The following PPFIA2 variants were observed in gnomAD, a reference collection of about 807,000 sequenced individuals.
PPFIA2 encodes the protein PPFI scaffold protein A2.
PPFIA2 carries 46 observed loss-of-function variants against 175.5 expected under a neutral mutation model. The ratio of observed to expected loss-of-function variants is 0.26; its 90% CI spans 0.21 to 0.34. PPFIA2 has a LOEUF of 0.34. PPFIA2 is among the 10% of genes least tolerant of loss of function. The pLI, the probability that PPFIA2 is intolerant of heterozygous loss-of-function variation, is 1.00. For synonymous variants in PPFIA2, 568 were observed against 511.4 expected (o/e 1.11, Z -1.49); for missense variants, 1,179 against 1,506.1 (o/e 0.78, Z 3.60).
rs1194543711 is a variant in PPFIA2 at position 81,445,686 on chromosome 12, C to T, written c.440G>A (p.Arg147Gln). 1.2e-6 allele frequency: 2 copies of T among 1,613,770 alleles called. No individual in the cohort carries two copies. Among genetic ancestry groups the T allele is most frequent in the Admixed American group, 1.7e-5 (1 of 59,982 alleles). Residue 147 changes from arginine to glutamine, a missense_variant, in exon 6 of 33, where the codon CGA (arginine) becomes CAA (glutamine). This residue lies in a region of PPFIA2 where 49 missense variants were observed against 108.9 expected (regional missense o/e 0.45). Coordinates refer to ENST00000549396, the MANE Select transcript of PPFIA2 (RefSeq NM_003625.5). The part of the protein sequence containing the change: ...LLEHLECLVS[R>Q]HERSLRMTVV... ...CGTCATTCTTAGTGATCTTTCATGT[C>T]GTGACACAAGGCACTCCAAATGCTC...
chr12:81,675,258 C>T (rs1001377061), intron 4 of PPFIA2, among the ~76,000 whole-genome samples: 6 of 151,628 alleles, frequency 4.0e-5, no homozygotes, highest in Non-Finnish European at 8.8e-5. Flanking sequence ...AGTTGTATAA[C>T]TCATGCCTAT....
chr12:81,438,360 T>G (rs1592985735), intron 7 of PPFIA2, among the ~76,000 whole-genome samples: 1 of 152,100 alleles, frequency 6.6e-6, no homozygotes, highest in East Asian at 1.9e-4. Flanking sequence ...CCCAGCTACT[T>G]GGGATGCCGA....
At chr12:81,352,149 T>G (rs1249498661) in intron 17 of PPFIA2, among the ~76,000 whole-genome samples, 1 of 152,006 alleles carries the variant, frequency 6.6e-6, no homozygotes, top group East Asian at 2.0e-4. Flanking sequence ...GTGACTGTAT[T>G]TGAAAATAGG....
intron 3 of PPFIA2, among the ~76,000 whole-genome samples, chr12:81,712,491 G>C (rs961836625): frequency 6.6e-6 from 1 of 151,208 alleles, no homozygotes; most frequent in African/African-American, 2.4e-5. Context: ...ATTAAAAGCA[G>C]TGTTGCCTAA....
chr12:81,376,079 C>G, intron 9 of PPFIA2, 137 bp from the exon 10 acceptor site: 2 of 807,024 alleles, frequency 2.5e-6, no homozygotes, highest in Non-Finnish European at 3.8e-6. Flanking sequence ...TTTCATTGAA[C>G]GAATGTGAGA....
intron 24 of PPFIA2, among the ~76,000 whole-genome samples, chr12:81,285,662 ATTC>A (rs2043151263): frequency 6.6e-6 from 1 of 152,074 alleles, no homozygotes; most frequent in African/African-American, 2.4e-5. Context: ...GCAATGCATT[ATTC>A]ACATGTTTGT....
intron 4 of PPFIA2, among the ~76,000 whole-genome samples, chr12:81,603,655 A>G (rs1350778238): frequency 6.6e-6 from 1 of 151,704 alleles, no homozygotes; most frequent in African/African-American, 2.4e-5. Flanking sequence ...AAATCTAGAA[A>G]GGAAGAAAGA....
intron 4 of PPFIA2, chr12:81,535,321 G>C: frequency 2.2e-6 from 1 of 447,596 alleles, no homozygotes; most frequent in Non-Finnish European, 4.5e-6. Context: ...AGGAAAAGAG[G>C]GTTCCGGAGT....
chr12:81,538,767 G>C (rs913312910), intron 4 of PPFIA2, among the ~76,000 whole-genome samples: 6 of 151,856 alleles, frequency 4.0e-5, no homozygotes, highest in African/African-American at 1.4e-4. Context: ...CATAGTATGA[G>C]GTGAAGTCAG....
At chr12:81,697,956 C>T (rs1274317727) in intron 3 of PPFIA2, among the ~76,000 whole-genome samples, 2 of 152,170 alleles carry the variant, frequency 1.3e-5, no homozygotes, top group Non-Finnish European at 2.9e-5. Flanking sequence ...AATACTATAG[C>T]CAATGTGATA....
chr12:81,374,616 G>T lies in PPFIA2; in HGVS notation c.1266+18C>A, dbSNP rs372885940. 2.5e-5 allele frequency: 39 copies of T among 1,587,722 alleles called. No homozygotes were observed. In the African/African-American group the frequency reaches 5.0e-4, roughly 20 times the overall value. ...TCTACAAATATATCTAGGTTGACCA[G>T]TTGTTCTAGTGCAGTACCTTGGTTA... On this transcript the variant is annotated intron_variant, in intron 11 of 32. Coordinates refer to ENST00000549396, the MANE Select transcript of PPFIA2 (RefSeq NM_003625.5).
At chr12:81,345,907 C>G (rs1241093018) in intron 18 of PPFIA2, among the ~76,000 whole-genome samples, 2 of 152,118 alleles carry the variant, frequency 1.3e-5, no homozygotes, top group Non-Finnish European at 2.9e-5. Flanking sequence ...AAAGTTTGTA[C>G]TGTATCCAAG....
At chr12:81,520,642 A>G (rs1193192728) in intron 4 of PPFIA2, among the ~76,000 whole-genome samples, 1 of 152,224 alleles carries the variant, frequency 6.6e-6, no homozygotes, top group Non-Finnish European at 1.5e-5. Context: ...AGAATAGTAC[A>G]TAACAAGACA....
intron 4 of PPFIA2, among the ~76,000 whole-genome samples, chr12:81,491,376 C>T (rs1018539089): frequency 1.3e-5 from 2 of 151,648 alleles, no homozygotes; most frequent in African/African-American, 4.8e-5. Context: ...TCATTCTCCC[C>T]AAAAAAAGTC....
intron 4 of PPFIA2, among the ~76,000 whole-genome samples, chr12:81,588,989 G>C (rs1317008572): frequency 6.6e-6 from 1 of 152,090 alleles, no homozygotes; most frequent in South Asian, 2.1e-4. Context: ...GCCTAAACCT[G>C]AGAATCATAA....
At chr12:81,490,042 A>G (rs1000649322) in intron 4 of PPFIA2, among the ~76,000 whole-genome samples, 3 of 151,792 alleles carry the variant, frequency 2.0e-5, no homozygotes, top group African/African-American at 7.2e-5. Flanking sequence ...CATTTTCCCC[A>G]TTATAAGACC....
chr12:81,609,094 T>A (rs1462962840), intron 4 of PPFIA2, among the ~76,000 whole-genome samples: 1 of 80,638 alleles, frequency 1.2e-5, no homozygotes, highest in Non-Finnish European at 2.4e-5. Context: ...ATACTATAGA[T>A]TTTTTTTGCT....
intron 4 of PPFIA2, among the ~76,000 whole-genome samples, chr12:81,610,046 G>C (rs2153466034): frequency 6.6e-6 from 1 of 152,144 alleles, no homozygotes; most frequent in African/African-American, 2.4e-5. Flanking sequence ...TAGTTTGGTG[G>C]GATTTAAAAT....
intron 3 of PPFIA2, among the ~76,000 whole-genome samples, chr12:81,716,575 C>A (rs1378697146): frequency 2.0e-5 from 3 of 151,116 alleles, no homozygotes; most frequent in Non-Finnish European, 4.4e-5. Context: ...CACACACACA[C>A]AAGCACACAC....
Sources: allele counts gnomAD v4.1 joint callset (sites outside exome capture counted in the v4.1 genomes callset), GRCh38; gene constraint gnomAD v4.1.1; regional missense constraint gnomAD v4.1.1; transcripts MANE v1.5; gene names NCBI Gene and HGNC (gene_info 2026-07-23, HGNC 2026-07-21).